Variants in F2RL3 observed in about 807,000 individuals in gnomAD.
F2RL3 encodes proteinase-activated receptor 4.
In F2RL3, 3 loss-of-function variants were observed where a neutral mutation model predicts 4.9. The ratio of observed to expected loss-of-function variants is 0.61; its 90% CI spans 0.28 to 1.58. The LOEUF is 1.58. Among genes scored for constraint, F2RL3 ranks in the 40% most tolerant of loss-of-function variants. The probability of loss-of-function intolerance (pLI) is 0.11; values close to 1 mark genes in which losing one functional copy is unlikely to be tolerated. For synonymous variants in F2RL3, 284 were observed against 278.4 expected (o/e 1.02, Z -0.20); for missense variants, 564 against 550.4 (o/e 1.02, Z -0.25).
chr19:16,889,847 G>A lies in F2RL3; in HGVS notation c.384G>A (p.Ala128=), dbSNP rs1384887599. ...LAAADLLLAL[A]LPPRIAYHLR... ...CTGCTGACCTCCTGCTGGCCCTGGC[G>A]CTGCCCCCGCGGATCGCCTACCACC... Residue 128 remains alanine, a synonymous_variant, in exon 2 of 2, where the codon GCG becomes GCA. Coordinates refer to ENST00000248076, the MANE Select transcript of F2RL3 (RefSeq NM_003950.4). 1.3e-5 allele frequency: 21 copies of A among 1,595,738 alleles called. No individual in the cohort carries two copies. The highest frequency in any genetic ancestry group is 1.1e-4 in the African/African-American group (8 of 74,662).
At position 16,890,269 on chromosome 19, in the gene F2RL3, A is replaced by C; in HGVS notation, c.806A>C (p.His269Pro). 6.4e-7 allele frequency: 1 copy of C among 1,561,428 alleles called. No homozygotes were observed. Among genetic ancestry groups the C allele is most frequent in the Non-Finnish European group, 8.6e-7 (1 of 1,159,642 alleles). ...AMLLCYGATL[H>P]TLAASGRRYG... Reference sequence around the variant, plus strand: ...CTGCTGTGCTACGGGGCCACCCTGCACACGCTGGCGGCCAGCGGCCGGCGC... The same window carrying C: ...CTGCTGTGCTACGGGGCCACCCTGCCCACGCTGGCGGCCAGCGGCCGGCGC... Residue 269 changes from histidine to proline, a missense_variant, in exon 2 of 2, where the codon CAC becomes CCC. Transcript: ENST00000248076.
chr19:16,890,264 C>A lies in F2RL3; in HGVS notation c.801C>A (p.Thr267=). 1 of 1,562,608 alleles carries A rather than the reference C, an allele frequency of 6.4e-7. No individual in the cohort carries two copies. The highest frequency in any genetic ancestry group is 8.6e-7 in the Non-Finnish European group (1 of 1,160,264). The part of the protein sequence containing the change: ...LLAMLLCYGA[T]LHTLAASGRR... The stretch of plus-strand genomic sequence containing the variant: ...CCATGCTGCTGTGCTACGGGGCCAC[C>A]CTGCACACGCTGGCGGCCAGCGGCC... The change falls in exon 2 of 2, where the codon ACC becomes ACA. Residue 267 remains threonine, a synonymous_variant. Coordinates refer to ENST00000248076, the MANE Select transcript of F2RL3 (RefSeq NM_003950.4).
Position 16,890,282 on chromosome 19 carries a change from C to G in F2RL3, c.819C>G (p.Ala273=), listed in dbSNP as rs774004390. Residue 273 remains alanine, a synonymous_variant, in exon 2 of 2, where the codon GCC becomes GCG. Coordinates refer to ENST00000248076, the MANE Select transcript of F2RL3 (RefSeq NM_003950.4). The part of the protein sequence containing the change: ...CYGATLHTLA[A]SGRRYGHALR... ...GGGCCACCCTGCACACGCTGGCGGC[C>G]AGCGGCCGGCGCTACGGCCACGCGC... is the stretch of plus-strand genomic sequence containing the variant. 1.3e-6 allele frequency: 2 copies of G among 1,557,526 alleles called. No individual in the cohort carries two copies. Among genetic ancestry groups the G allele is most frequent in the Admixed American group, 1.9e-5 (1 of 53,328 alleles).
intron 1 of F2RL3, 91 bp downstream of exon 1, chr19:16,889,389 T>C: frequency 7.8e-7 from 1 of 1,285,870 alleles, no homozygotes; most frequent in Non-Finnish European, 1.1e-6. Context: ...GCCGGGAAGT[T>C]GCGGGCTTCA....
At position 16,890,037 on chromosome 19, in the gene F2RL3, C is replaced by A; in HGVS notation, c.574C>A (p.Leu192Met). Residue 192 changes from leucine to methionine, a missense_variant, in exon 2 of 2, where the codon CTG (leucine) becomes ATG (methionine). Coordinates refer to ENST00000248076, the MANE Select transcript of F2RL3 (RefSeq NM_003950.4). ...LRARALRGRR[L>M]ALGLCMAAWL... ...GGCCCGCGCCCTGCGTGGCCGGCGC[C>A]TGGCCCTTGGACTCTGCATGGCTGC... The A allele has an allele frequency of 6.3e-7, 1 of 1,598,670 alleles. No homozygotes were observed. Among genetic ancestry groups the A allele is most frequent in the Non-Finnish European group, 8.5e-7 (1 of 1,178,398 alleles).
rs1031164351 is a variant in F2RL3 at position 16,889,643 on chromosome 19, C to A, written c.180C>A (p.Thr60=). 24 of 1,609,498 alleles carry A rather than the reference C, an allele frequency of 1.5e-5. No homozygotes were observed. The highest frequency in any genetic ancestry group is 1.9e-5 in the Non-Finnish European group (22 of 1,178,782). ...AAGTCTGTGCCAATGACAGTGACAC[C>A]CTGGAGCTCCCGGACAGCTCACGGG... ...PGQVCANDSD[T]LELPDSSRAL... The change falls in exon 2 of 2, where the codon ACC becomes ACA. Residue 60 remains threonine (T), a synonymous_variant. Transcript: ENST00000248076.
In F2RL3 at chr19:16,890,153, C is replaced by T. The variant is rs762509237; in HGVS notation, c.690C>T (p.Asp230=). Residue 230 remains aspartate, a synonymous_variant, in exon 2 of 2, where the codon GAC becomes GAT. Transcript: ENST00000248076. ...LARSDRVLCH[D]ALPLDAQASH... Reference sequence around the variant, plus strand: ...GCTCCGATCGCGTGCTCTGCCATGACGCGCTGCCCCTGGACGCACAGGCCT... The same window carrying T: ...GCTCCGATCGCGTGCTCTGCCATGATGCGCTGCCCCTGGACGCACAGGCCT... 1.0e-5 allele frequency: 16 copies of T among 1,595,296 alleles called. No individual in the cohort carries two copies. Among genetic ancestry groups the T allele is most frequent in the East Asian group, 2.2e-5 (1 of 44,738 alleles).
chr19:16,889,078 T>G lies in F2RL3; in HGVS notation c.-112T>G. On this transcript the variant is annotated 5_prime_UTR_variant, in exon 1 of 2. Transcript: ENST00000248076. Reference sequence around the variant, plus strand: ...GCGGGGGCAGGGGCAGCCTTCCTGGTTTATCTCTACCGGCGCGATCTGCTC... The same window carrying G: ...GCGGGGGCAGGGGCAGCCTTCCTGGGTTATCTCTACCGGCGCGATCTGCTC... 1 of 793,356 alleles carries G rather than the reference T, an allele frequency of 1.3e-6. No individual in the cohort carries two copies. Among genetic ancestry groups the G allele is most frequent in the Non-Finnish European group, 1.9e-6 (1 of 531,564 alleles). The allele number at this position is 793,356 out of a possible 1,614,324, so 49.1% of individuals were successfully genotyped here.
chr19:16,891,036 C>A lies in F2RL3; in HGVS notation c.*415C>A, dbSNP rs2051784645. The A allele has an allele frequency of 5.9e-6, 1 of 168,364 alleles. No individual in the cohort carries two copies. Among genetic ancestry groups the A allele is most frequent in the South Asian group, 1.5e-4 (1 of 6,884 alleles). The allele number at this position is 168,364 out of a possible 1,614,324, so 10.4% of individuals were successfully genotyped here. A position where few individuals can be genotyped will look rare whatever the true frequency, so the allele number is the denominator to read the frequency against. ...CCTGGGAGGCAGAGGTTGCAGTGAG[C>A]CGAGATTGCGCCACTGGACTCCAGC... is the stretch of plus-strand genomic sequence containing the variant. On this transcript the variant is annotated 3_prime_UTR_variant, in exon 2 of 2. Transcript: ENST00000248076.
Position 16,889,678 on chromosome 19 carries a change from T to C in F2RL3, c.215T>C (p.Leu72Pro), listed in dbSNP as rs1274990666. 6.2e-7 allele frequency: 1 copy of C among 1,609,842 alleles called. No homozygotes were observed. Among genetic ancestry groups the C allele is most frequent in the South Asian group, 1.1e-5 (1 of 91,046 alleles). Residue 72 changes from leucine to proline, a missense_variant, in exon 2 of 2, where the codon CTG becomes CCG. Coordinates refer to ENST00000248076, the MANE Select transcript of F2RL3 (RefSeq NM_003950.4). ...CCGGACAGCTCACGGGCACTGCTTC[T>C]GGGCTGGGTGCCCACCAGGCTGGTG... Reference protein sequence around the residue: ...ELPDSSRALLLGWVPTRLVPA... With the variant: ...ELPDSSRALLPGWVPTRLVPA...
chr19:16,890,297 C>T lies in F2RL3; in HGVS notation c.834C>T (p.Tyr278=), dbSNP rs912760696. ...LHTLAASGRR[Y]GHALRLTAVV... is the part of the protein sequence containing the mutation. ...CGCTGGCGGCCAGCGGCCGGCGCTA[C>T]GGCCACGCGCTGAGGCTGACCGCAG... The change falls in exon 2 of 2, where the codon TAC becomes TAT. Residue 278 remains tyrosine (Y), a synonymous_variant. Transcript: ENST00000248076. 5.8e-6 allele frequency: 9 copies of T among 1,564,676 alleles called. No individual in the cohort carries two copies. Among genetic ancestry groups the T allele is most frequent in the South Asian group, 2.3e-5 (2 of 87,320 alleles).
Position 16,889,207 on chromosome 19 carries a change from C to T in F2RL3, c.18C>T (p.Leu6=). Residue 6 remains leucine, a synonymous_variant, in exon 1 of 2, where the codon CTC becomes CTT. Coordinates refer to ENST00000248076, the MANE Select transcript of F2RL3 (RefSeq NM_003950.4). MWGRL[L]LWPLVLGFSL... is the part of the protein sequence containing the mutation. ...GTGCAGTCATGTGGGGGCGACTGCTCCTGTGGCCCCTGGTGCTGGGGTTCA... is the reference window on the plus strand; with the variant it reads ...GTGCAGTCATGTGGGGGCGACTGCTTCTGTGGCCCCTGGTGCTGGGGTTCA... 6.3e-7 allele frequency: 1 copy of T among 1,576,378 alleles called. No individual in the cohort carries two copies. The highest frequency in any genetic ancestry group is 8.6e-7 in the Non-Finnish European group (1 of 1,162,760).
rs755121629 is a variant in F2RL3 at position 16,889,258 on chromosome 19, C to T, written c.69C>T (p.Pro23=). The part of the protein sequence containing the change: ...GFSLSGGTQT[P]SVYDESGSTG... ...GCCTGTCTGGCGGCACCCAGACCCC[C>T]AGCGTCTACGACGAGAGCGGGAGCA... The change falls in exon 1 of 2, where the codon CCC becomes CCT. Residue 23 remains proline (P), a synonymous_variant. Coordinates refer to ENST00000248076, the MANE Select transcript of F2RL3 (RefSeq NM_003950.4). 1.3e-6 allele frequency: 2 copies of T among 1,596,110 alleles called. No individual in the cohort carries two copies. The highest frequency in any genetic ancestry group is 1.8e-5 in the Admixed American group (1 of 56,996).
At position 16,890,258 on chromosome 19, in the gene F2RL3, G is replaced by A; in HGVS notation, c.795G>A (p.Gly265=). The change falls in exon 2 of 2, where the codon GGG becomes GGA. Residue 265 remains glycine (G), a synonymous_variant. Transcript: ENST00000248076. ...TGCTGGCCATGCTGCTGTGCTACGGGGCCACCCTGCACACGCTGGCGGCCA... is the reference window on the plus strand; with the variant it reads ...TGCTGGCCATGCTGCTGTGCTACGGAGCCACCCTGCACACGCTGGCGGCCA... ...LPLLAMLLCY[G]ATLHTLAASG... 6.4e-7 allele frequency: 1 copy of A among 1,565,268 alleles called. No homozygotes were observed.
Position 16,889,630 on chromosome 19 carries a change from A to G in F2RL3, c.167A>G (p.Asn56Ser). The change falls in exon 2 of 2, where the codon AAT (asparagine) becomes AGT (serine). Residue 56 changes from asparagine to serine, a missense_variant. Asn to Ser is a conservative substitution (Grantham distance 46). Transcript: ENST00000248076. ...GGCTACCCAGGCCAAGTCTGTGCCA[A>G]TGACAGTGACACCCTGGAGCTCCCG... ...PRGYPGQVCA[N>S]DSDTLELPDS... is the part of the protein sequence containing the mutation. 6.2e-7 allele frequency: 1 copy of G among 1,607,802 alleles called. No individual in the cohort carries two copies. The highest frequency in any genetic ancestry group is 1.1e-5 in the South Asian group (1 of 90,860).
At chr19:16,889,466 C>T (rs1599627536) in intron 1 of F2RL3, 107 bp from the exon 2 acceptor site, 1 of 1,222,118 alleles carries the variant, frequency 8.2e-7, no homozygotes, top group Non-Finnish European at 1.1e-6. Flanking sequence ...GTGTCATGTC[C>T]AGCTGTTTCC....
chr19:16,889,645 T>C lies in F2RL3; in HGVS notation c.182T>C (p.Leu61Pro), dbSNP rs1400215928. Residue 61 changes from leucine to proline, a missense_variant, in exon 2 of 2, where the codon CTG becomes CCG. Leu to Pro is a moderately conservative substitution (Grantham distance 98, BLOSUM62 -3). Coordinates refer to ENST00000248076, the MANE Select transcript of F2RL3 (RefSeq NM_003950.4). ...GTCTGTGCCAATGACAGTGACACCC[T>C]GGAGCTCCCGGACAGCTCACGGGCA... The part of the protein sequence containing the change: ...GQVCANDSDT[L>P]ELPDSSRALL... 1.2e-6 allele frequency: 2 copies of C among 1,609,548 alleles called. No individual in the cohort carries two copies. The highest frequency in any genetic ancestry group is 2.7e-5 in the African/African-American group (2 of 74,876).
At position 16,889,892 on chromosome 19, in the gene F2RL3, C is replaced by T. The variant is rs569017162; in HGVS notation, c.429C>T (p.Pro143=). 2.1e-5 allele frequency: 33 copies of T among 1,584,992 alleles called. No homozygotes were observed. In the African/African-American group the frequency reaches 4.0e-4, roughly 19 times the overall value. Residue 143 remains proline, a synonymous_variant, in exon 2 of 2, where the codon CCC becomes CCT. Coordinates refer to ENST00000248076, the MANE Select transcript of F2RL3 (RefSeq NM_003950.4). The part of the protein sequence containing the change: ...IAYHLRGQRW[P]FGEAACRLAT... ...ACCACCTGCGTGGCCAGCGCTGGCC[C>T]TTCGGGGAGGCCGCCTGCCGCCTGG...
Position 16,890,468 on chromosome 19 carries a change from G to A in F2RL3, c.1005G>A (p.Val335=). Residue 335 remains valine (V), a synonymous_variant, in exon 2 of 2, where the codon GTG becomes GTA. Coordinates refer to ENST00000248076, the MANE Select transcript of F2RL3 (RefSeq NM_003950.4). ...SLALSTLNSC[V]DPFIYYYVSA... ...CGCTGAGCACCCTCAACAGCTGCGTGGATCCCTTCATCTACTACTACGTGT... is the reference window on the plus strand; with the variant it reads ...CGCTGAGCACCCTCAACAGCTGCGTAGATCCCTTCATCTACTACTACGTGT... The A allele has an allele frequency of 6.2e-7, 1 of 1,612,910 alleles. No individual in the cohort carries two copies. The highest frequency in any genetic ancestry group is 8.5e-7 in the Non-Finnish European group (1 of 1,179,982).
Sources: gnomAD v4.1 joint callset for allele counts on GRCh38, gnomAD v4.1.1 for gene constraint, MANE v1.5 for transcripts, NCBI Gene and HGNC (gene_info 2026-07-23, HGNC 2026-07-21) for gene names.